The following ZNF474 variants were observed in gnomAD, a reference collection of about 807,000 sequenced individuals.
ZNF474 encodes the protein 4933409D10Rik.
For missense variants in ZNF474, 511 were observed against 433.8 expected (o/e 1.18, Z -1.58); for synonymous variants, 192 against 162.2 (o/e 1.18, Z -1.39).
intron 1 of ZNF474, among the ~76,000 whole-genome samples, chr5:122,131,892 C>T (rs370765024): frequency 1.3e-5 from 2 of 151,880 alleles, no homozygotes; most frequent in East Asian, 1.9e-4. Flanking sequence ...AAAATGCACC[C>T]ATTTTAAGTA....
intron 1 of ZNF474, among the ~76,000 whole-genome samples, chr5:122,130,433 C>T (rs557120427): frequency 2.0e-5 from 3 of 151,904 alleles, no homozygotes; most frequent in African/African-American, 7.2e-5. Context: ...AGAATGATAC[C>T]ATATATATTA....
At chr5:122,135,993 G>T (rs892146343) in intron 1 of ZNF474, among the ~76,000 whole-genome samples, 28 of 152,178 alleles carry the variant, frequency 1.8e-4, no homozygotes, top group Admixed American at 1.5e-3. Flanking sequence ...GAGCTGGGAA[G>T]GGTAATGGGA....
At chr5:122,136,986 A>C (rs892104607) in intron 1 of ZNF474, among the ~76,000 whole-genome samples, 3 of 152,254 alleles carry the variant, frequency 2.0e-5, no homozygotes, top group African/African-American at 7.2e-5. Context: ...CTCGAAGTTC[A>C]CATGCAATTT....
At position 122,152,790 on chromosome 5, in the gene ZNF474, A is replaced by G; in HGVS notation, c.800A>G (p.Gln267Arg). The G allele has an allele frequency of 6.2e-7, 1 of 1,614,176 alleles. No individual in the cohort carries two copies. The highest frequency in any genetic ancestry group is 1.3e-5 in the African/African-American group (1 of 75,052). The stretch of plus-strand genomic sequence containing the variant: ...CACCAGCCACTCCCACAGAAGCCTC[A>G]GCCCCTTCCGAATGCACAGTCCAGC... ...ELHQPLPQKP[Q>R]PLPNAQSSQA... Residue 267 changes from glutamine to arginine, a missense_variant, in exon 2 of 2, where the codon CAG (glutamine) becomes CGG (arginine). Gln to Arg is a conservative substitution (Grantham distance 43). Coordinates refer to ENST00000296600, the MANE Select transcript of ZNF474 (RefSeq NM_207317.3).
intron 1 of ZNF474, among the ~76,000 whole-genome samples, chr5:122,150,444 C>G (rs1756136346): frequency 6.6e-6 from 1 of 152,196 alleles, no homozygotes; most frequent in African/African-American, 2.4e-5. Flanking sequence ...CACAGCTCTT[C>G]TTGTTCTTTA....
chr5:122,151,047 G>A (rs1261854241), intron 1 of ZNF474, among the ~76,000 whole-genome samples: 2 of 152,160 alleles, frequency 1.3e-5, no homozygotes, highest in Non-Finnish European at 1.5e-5. Context: ...GTCACAAGAA[G>A]TTTATGTCCC....
intron 1 of ZNF474, among the ~76,000 whole-genome samples, chr5:122,149,563 T>C (rs1756108242): frequency 6.6e-6 from 1 of 152,168 alleles, no homozygotes; most frequent in Non-Finnish European, 1.5e-5. Flanking sequence ...GAATGAATAA[T>C]GGAAAGAGCC....
intron 1 of ZNF474, among the ~76,000 whole-genome samples, chr5:122,140,346 G>C (rs938875159): frequency 2.0e-5 from 3 of 152,128 alleles, no homozygotes; most frequent in African/African-American, 7.2e-5. Flanking sequence ...CTTGGTTGAG[G>C]TATTATTATA....
chr5:122,149,299 GA>G (rs1435358246), intron 1 of ZNF474, among the ~76,000 whole-genome samples: 4 of 151,928 alleles, frequency 2.6e-5, no homozygotes, highest in African/African-American at 9.7e-5. Context: ...AAAAGTTGAA[GA>G]AAAAAAGTCC....
At chr5:122,141,497 C>T (rs181178062) in intron 1 of ZNF474, among the ~76,000 whole-genome samples, 226 of 151,944 alleles carry the variant, frequency 1.5e-3, no homozygotes, top group African/African-American at 5.1e-3. Context: ...TTAGTAATGA[C>T]GGGATTTTGT....
intron 1 of ZNF474, among the ~76,000 whole-genome samples, chr5:122,136,876 G>A (rs1755714249): frequency 6.6e-6 from 1 of 152,108 alleles, no homozygotes; most frequent in Non-Finnish European, 1.5e-5. Context: ...CACTCAGCTA[G>A]GTCAACATTA....
chr5:122,138,336 C>T (rs1561438362), intron 1 of ZNF474, among the ~76,000 whole-genome samples: 1 of 152,134 alleles, frequency 6.6e-6, no homozygotes, highest in African/African-American at 2.4e-5. Flanking sequence ...TTGCATTTCA[C>T]ATGCAAACCC....
At position 122,153,116 on chromosome 5, in the gene ZNF474, G is replaced by A. The variant is rs1290639297; in HGVS notation, c.*31G>A. On this transcript the variant is annotated 3_prime_UTR_variant, in exon 2 of 2. Coordinates refer to ENST00000296600, the MANE Select transcript of ZNF474 (RefSeq NM_207317.3). ...CAAGAGAAAACTATCCCCAGAATCAGCCACCTCAGCCCCTAGTATTTTTTC... is the reference window on the plus strand; with the variant it reads ...CAAGAGAAAACTATCCCCAGAATCAACCACCTCAGCCCCTAGTATTTTTTC... 12 of 1,575,952 alleles carry A rather than the reference G, an allele frequency of 7.6e-6. No homozygotes were observed. Among genetic ancestry groups the A allele is most frequent in the Non-Finnish European group, 1.0e-5 (12 of 1,161,510 alleles).
intron 1 of ZNF474, 107 bp from the exon 2 acceptor site, chr5:122,151,672 A>G: frequency 5.4e-6 from 1 of 183,814 alleles, no homozygotes; most frequent in Admixed American, 5.6e-5. Context: ...ACAAGCAAAA[A>G]AAAAGCACAC....
In ZNF474 at chr5:122,151,677, GCACACA is replaced by G. The variant is rs752327390; in HGVS notation, c.-212-91_-212-86del. 848 of 180,226 alleles carry G rather than the reference GCACACA, an allele frequency of 4.7e-3. 6 individuals are homozygous for G. The highest frequency in any genetic ancestry group is 0.02 in the African/African-American group (803 of 39,872). 11.2% of individuals were successfully genotyped at this position (180,226 alleles called of 1,614,324 possible). ...AATATTTAAAACAAGCAAAAAAAAA[GCACACA>G]CACACACACAAAACAACCTAAATGT... On this transcript the variant is annotated intron_variant, in intron 1 of 1. Coordinates refer to ENST00000296600, the MANE Select transcript of ZNF474 (RefSeq NM_207317.3).
At chr5:122,139,862 G>C (rs1394323183) in intron 1 of ZNF474, among the ~76,000 whole-genome samples, 1 of 152,202 alleles carries the variant, frequency 6.6e-6, no homozygotes, top group Non-Finnish European at 1.5e-5. Context: ...TTTTAAGGCA[G>C]CTTAGGAGTT....
chr5:122,136,664 A>G (rs1412670833), intron 1 of ZNF474, among the ~76,000 whole-genome samples: 1 of 152,250 alleles, frequency 6.6e-6, no homozygotes, highest in East Asian at 1.9e-4. Context: ...AAGCTATAAT[A>G]TTATTATAAT....
intron 1 of ZNF474, among the ~76,000 whole-genome samples, chr5:122,143,277 GACAC>G (rs1755897266): frequency 6.6e-6 from 1 of 152,066 alleles, no homozygotes; most frequent in African/African-American, 2.4e-5. Flanking sequence ...TTTCCACCTG[GACAC>G]ACAGAAGTGA....
chr5:122,150,923 G>A (rs1292578391), intron 1 of ZNF474, among the ~76,000 whole-genome samples: 5 of 152,168 alleles, frequency 3.3e-5, no homozygotes, highest in Admixed American at 3.3e-4. Context: ...TGAAAGATCT[G>A]CAGATATCCC....
Sources: gnomAD v4.1 joint callset for allele counts (sites outside exome capture counted in the v4.1 genomes callset) on GRCh38, gnomAD v4.1.1 for gene constraint, MANE v1.5 for transcripts, NCBI Gene and HGNC (gene_info 2026-07-23, HGNC 2026-07-21) for gene names.